The following MPDZ variants were observed in gnomAD, a reference collection of about 807,000 sequenced individuals.
The protein encoded by MPDZ is multiple PDZ domain protein.
MPDZ carries 234 observed loss-of-function variants against 239.1 expected under a neutral mutation model. That is an observed-to-expected ratio of 0.98 (90% confidence interval 0.88 to 1.09). The LOEUF is 1.09. MPDZ is among the 50% of genes least tolerant of loss of function. The pLI is 0.00. For synonymous variants in MPDZ, 1,048 were observed against 881.3 expected (o/e 1.19, Z -3.35); for missense variants, 3,175 against 2,510.0 (o/e 1.26, Z -5.66).
intron 23 of MPDZ, among the ~76,000 whole-genome samples, chr9:13,161,055 G>A (rs1950430821): frequency 6.6e-6 from 1 of 151,274 alleles, no homozygotes; most frequent in Admixed American, 6.6e-5. Context: ...AACAGATAAT[G>A]AGGGACAATT....
At chr9:13,243,123 C>G (rs1414210767) in intron 3 of MPDZ, among the ~76,000 whole-genome samples, 1 of 152,176 alleles carries the variant, frequency 6.6e-6, no homozygotes. Flanking sequence ...GTAAAAGTTA[C>G]TCATTCCTTC....
chr9:13,205,847 C>T, intron 11 of MPDZ, 69 bp downstream of exon 11: 8 of 1,362,986 alleles, frequency 5.9e-6, no homozygotes, highest in Non-Finnish European at 7.8e-6. Context: ...TAGTAAGTTA[C>T]TTTGGAATTT....
At chr9:13,137,475 C>T (rs1182426030) in intron 29 of MPDZ, among the ~76,000 whole-genome samples, 2 of 152,098 alleles carry the variant, frequency 1.3e-5, no homozygotes, top group Non-Finnish European at 1.5e-5. Flanking sequence ...AATTCTAAAC[C>T]CTATAAAGTA....
chr9:13,196,506 G>A (rs527614818), intron 12 of MPDZ, among the ~76,000 whole-genome samples: 1 of 152,188 alleles, frequency 6.6e-6, no homozygotes, highest in South Asian at 2.1e-4. Context: ...AAACGAGTAA[G>A]GACTCTGAGC....
At position 13,205,945 on chromosome 9, in the gene MPDZ, A is replaced by T; in HGVS notation, c.1445T>A (p.Leu482Ter). ...GATTATGCTGGCATTAACAGGAGAC[A>T]AATCTGCATCTTTTGTGACGTCTTC... is the stretch of plus-strand genomic sequence containing the variant. ...SREDVTKDAD[L>*]SPVNASIIKE... The change falls in exon 11 of 47, where the codon TTG (leucine) becomes TAG (stop). Residue 482 changes from leucine (L) to a stop codon, truncating the protein, a stop_gained. Transcript: ENST00000319217. LOFTEE classifies it high-confidence loss of function. 3.7e-6 allele frequency: 6 copies of T among 1,607,624 alleles called. No individual in the cohort carries two copies. Among genetic ancestry groups the T allele is most frequent in the Non-Finnish European group, 5.1e-6 (6 of 1,177,360 alleles).
intron 3 of MPDZ, among the ~76,000 whole-genome samples, chr9:13,235,908 G>A (rs1963819843): frequency 2.0e-5 from 3 of 151,982 alleles, no homozygotes; most frequent in African/African-American, 7.2e-5. Flanking sequence ...TTATATTTGG[G>A]AAGGTGTACC....
At chr9:13,254,017 A>G (rs1474668226) in intron 1 of MPDZ, among the ~76,000 whole-genome samples, 3 of 152,230 alleles carry the variant, frequency 2.0e-5, no homozygotes, top group African/African-American at 7.2e-5. Context: ...CAAGCCATCT[A>G]GCTCCAGAGT....
intron 1 of MPDZ, among the ~76,000 whole-genome samples, chr9:13,278,434 TCTC>T (rs1436145873): frequency 2.0e-5 from 3 of 151,886 alleles, no homozygotes; most frequent in African/African-American, 4.8e-5. Flanking sequence ...CCTGGCCACT[TCTC>T]CTCCCCCGCA....
intron 1 of MPDZ, among the ~76,000 whole-genome samples, chr9:13,260,876 T>C (rs1330131): frequency 5.3e-5 from 8 of 152,178 alleles, no homozygotes; most frequent in Non-Finnish European, 1.0e-4. Context: ...CTAAACAATT[T>C]GTTATGGCAG....
intron 19 of MPDZ, among the ~76,000 whole-genome samples, chr9:13,181,751 T>C (rs914889033): frequency 7.2e-5 from 11 of 152,182 alleles, no homozygotes; most frequent in African/African-American, 1.9e-4. Flanking sequence ...TGCTTCTCAG[T>C]ATGCAGATTG....
chr9:13,124,930 G>C (rs912609474), intron 35 of MPDZ, among the ~76,000 whole-genome samples: 5 of 152,114 alleles, frequency 3.3e-5, no homozygotes, highest in African/African-American at 1.2e-4. Flanking sequence ...GGAGAGCAAA[G>C]AATACTATTC....
chr9:13,248,976 CAAAAAAAAAAA>C (rs71331534), intron 2 of MPDZ, among the ~76,000 whole-genome samples: 20 of 35,818 alleles, frequency 5.6e-4, no homozygotes, highest in East Asian at 2.5e-3. Context: ...GACTCCATCT[CAAAAAAAAAAA>C]AAAAAAAAAA....
intron 3 of MPDZ, among the ~76,000 whole-genome samples, chr9:13,238,286 G>C (rs1215980035): frequency 6.6e-6 from 1 of 152,170 alleles, no homozygotes; most frequent in Non-Finnish European, 1.5e-5. Context: ...GTAAGGAGCA[G>C]ACAAGATGGC....
Position 13,109,063 on chromosome 9 carries a change from C to G in MPDZ, c.5943-4G>C. The stretch of plus-strand genomic sequence containing the variant: ...AATAGACTTACATTGAGGAGGTCTA[C>G]GGTGAAGGAAAGGAAAAAGAGGTTT... On this transcript the variant is annotated splice_region_variant and splice_polypyrimidine_tract_variant and intron_variant, in intron 45 of 46. Transcript: ENST00000319217. 1 of 1,392,034 alleles carries G rather than the reference C, an allele frequency of 7.2e-7. No individual in the cohort carries two copies. The highest frequency in any genetic ancestry group is 9.4e-7 in the Non-Finnish European group (1 of 1,069,094). The allele number at this position is 1,392,034 out of a possible 1,614,324, so 86.2% of individuals were successfully genotyped here. A position where few individuals can be genotyped will look rare whatever the true frequency, so the allele number is the denominator to read the frequency against.
intron 25 of MPDZ, among the ~76,000 whole-genome samples, chr9:13,148,455 G>A (rs1357660352): frequency 3.3e-5 from 5 of 151,866 alleles, no homozygotes; most frequent in Non-Finnish European, 7.4e-5. Context: ...ACCCAGAGTG[G>A]ACACAACTCT....
At chr9:13,149,895 T>C (rs796276253) in intron 25 of MPDZ, among the ~76,000 whole-genome samples, 61 of 151,974 alleles carry the variant, frequency 4.0e-4, no homozygotes, top group African/African-American at 1.4e-3. Context: ...AGGAGCGAGA[T>C]CCTGGCTTCG....
At chr9:13,160,377 A>G (rs1156514325) in intron 23 of MPDZ, among the ~76,000 whole-genome samples, 1 of 152,116 alleles carries the variant, frequency 6.6e-6, no homozygotes, top group Non-Finnish European at 1.5e-5. Context: ...CTCTGCAGTG[A>G]AGCAGCTAGT....
At chr9:13,221,774 A>G (rs1959133181) in intron 6 of MPDZ, among the ~76,000 whole-genome samples, 1 of 151,942 alleles carries the variant, frequency 6.6e-6, no homozygotes, top group South Asian at 2.1e-4. Context: ...GATCTTTTGT[A>G]GAACTTCTTT....
At chr9:13,212,454 A>G (rs780930487) in intron 10 of MPDZ, among the ~76,000 whole-genome samples, 1 of 152,048 alleles carries the variant, frequency 6.6e-6, no homozygotes, top group Non-Finnish European at 1.5e-5. Context: ...TAATAAACAT[A>G]AAAATCTCCA....
Sources: allele counts gnomAD v4.1 joint callset (sites outside exome capture counted in the v4.1 genomes callset), GRCh38; gene constraint gnomAD v4.1.1; transcripts MANE v1.5; gene names NCBI Gene and HGNC (gene_info 2026-07-23, HGNC 2026-07-21).